The following ARHGAP17 variants were observed in gnomAD, a reference collection of about 807,000 sequenced individuals.
ARHGAP17 encodes Rho GTPase activating protein 17, also known as rho GTPase-activating protein 17.
ARHGAP17 carries 57 observed loss-of-function variants against 99.5 expected under a neutral mutation model. The ratio of observed to expected loss-of-function variants is 0.57; its 90% CI spans 0.46 to 0.71. The LOEUF is 0.71. Among genes scored for constraint, ARHGAP17 ranks in the 30% least tolerant of loss-of-function variants. The pLI, the probability that ARHGAP17 is intolerant of heterozygous loss-of-function variation, is 0.00. For missense variants in ARHGAP17, 1,000 were observed against 1,122.4 expected, an observed-to-expected ratio of 0.89 and a Z score of 1.56; for synonymous variants, 417 against 429.6, an observed-to-expected ratio of 0.97 and a Z score of 0.36.
At chr16:24,939,709 C>T (rs1490990327) in intron 16 of ARHGAP17, 112 bp from the exon 17 acceptor site, 22 of 1,164,656 alleles carry the variant, frequency 1.9e-5, no homozygotes, top group Admixed American at 2.0e-5. Flanking sequence ...CCAAGCTGCC[C>T]GGCATGCAGT....
At chr16:24,978,232 A>G (rs189637039) in intron 2 of ARHGAP17, among the ~76,000 whole-genome samples, 9 of 152,336 alleles carry the variant, frequency 5.9e-5, no homozygotes, top group Admixed American at 2.0e-4. Context: ...AATTTCCACT[A>G]GAATGTAAAC....
intron 12 of ARHGAP17, among the ~76,000 whole-genome samples, chr16:24,950,055 A>G (rs2051588823): frequency 6.6e-6 from 1 of 152,216 alleles, no homozygotes; most frequent in South Asian, 2.1e-4. Context: ...GAGCCTGTAG[A>G]GCACGGCCAA....
chr16:25,009,660 C>A (rs1335011888), intron 1 of ARHGAP17, among the ~76,000 whole-genome samples: 1 of 152,024 alleles, frequency 6.6e-6, no homozygotes, highest in Non-Finnish European at 1.5e-5. Flanking sequence ...ATTCTACATA[C>A]CTCCTAGGAG....
chr16:24,952,012 T>G (rs2051658509), intron 12 of ARHGAP17, among the ~76,000 whole-genome samples: 1 of 152,208 alleles, frequency 6.6e-6, no homozygotes, highest in Admixed American at 6.5e-5. Context: ...TAAAGGGGGC[T>G]GGAAATTTGC....
At chr16:24,938,226 T>A (rs949038056) in intron 17 of ARHGAP17, among the ~76,000 whole-genome samples, 2 of 152,026 alleles carry the variant, frequency 1.3e-5, no homozygotes, top group Non-Finnish European at 2.9e-5. Flanking sequence ...TAGCCTGGCA[T>A]GGTGGTGTGT....
At chr16:24,922,340 G>A (rs542267414) in intron 19 of ARHGAP17, among the ~76,000 whole-genome samples, 11 of 152,186 alleles carry the variant, frequency 7.2e-5, no homozygotes, top group African/African-American at 9.6e-5. Flanking sequence ...GCAAGCTAAC[G>A]CCTATCAGCC....
intron 1 of ARHGAP17, among the ~76,000 whole-genome samples, chr16:24,981,292 G>A (rs1048767437): frequency 9.2e-5 from 14 of 152,116 alleles, no homozygotes; most frequent in Admixed American, 2.0e-4. Flanking sequence ...ACATAAAAAC[G>A]AGGCAAGTAT....
At position 24,949,379 on chromosome 16, in the gene ARHGAP17, G is replaced by A. The variant is rs767838482; in HGVS notation, c.1127+25C>T. 9 of 1,591,374 alleles carry A rather than the reference G, an allele frequency of 5.7e-6. No homozygotes were observed. In the South Asian group the frequency reaches 8.9e-5, roughly 16 times the overall value. ...GCATTAAACTTATCTTCACTCCAGAGTCATTGTAGCTCAATCATACATACC... is the reference window on the plus strand; with the variant it reads ...GCATTAAACTTATCTTCACTCCAGAATCATTGTAGCTCAATCATACATACC... On this transcript the variant is annotated intron_variant, in intron 13 of 19. Transcript: ENST00000289968.
chr16:24,998,439 G>A (rs577548310), intron 1 of ARHGAP17, among the ~76,000 whole-genome samples: 5 of 151,920 alleles, frequency 3.3e-5, no homozygotes, highest in Admixed American at 1.3e-4. Flanking sequence ...GGGTGGTGAC[G>A]GCAACCATGA....
chr16:24,937,674 G>A (rs998873032), intron 17 of ARHGAP17, among the ~76,000 whole-genome samples: 1 of 152,078 alleles, frequency 6.6e-6, no homozygotes, highest in Non-Finnish European at 1.5e-5. Flanking sequence ...ATGGAATTCA[G>A]GAATGCACAA....
chr16:24,985,995 G>A (rs1182307129), intron 1 of ARHGAP17, among the ~76,000 whole-genome samples: 2 of 152,084 alleles, frequency 1.3e-5, no homozygotes, highest in East Asian at 1.9e-4. Context: ...TTAACTGCAC[G>A]AAAGCAAGGC....
At chr16:24,994,909 C>T (rs941814983) in intron 1 of ARHGAP17, among the ~76,000 whole-genome samples, 4 of 152,146 alleles carry the variant, frequency 2.6e-5, no homozygotes, top group South Asian at 2.1e-4. Flanking sequence ...TAAAGACATA[C>T]CCACGTCTCT....
At chr16:24,988,655 G>A (rs1393466784) in intron 1 of ARHGAP17, among the ~76,000 whole-genome samples, 7 of 152,092 alleles carry the variant, frequency 4.6e-5, no homozygotes, top group Non-Finnish European at 8.8e-5. Context: ...GAGGTTTATC[G>A]TTTTCCTGCA....
intron 12 of ARHGAP17, among the ~76,000 whole-genome samples, chr16:24,949,874 C>G (rs1481633431): frequency 3.3e-5 from 5 of 152,212 alleles, no homozygotes; most frequent in Admixed American, 2.0e-4. Context: ...AGCCACAGAT[C>G]AGGGGGCTGA....
At chr16:24,986,144 C>T (rs1271605657) in intron 1 of ARHGAP17, among the ~76,000 whole-genome samples, 1 of 152,200 alleles carries the variant, frequency 6.6e-6, no homozygotes, top group South Asian at 2.1e-4. Flanking sequence ...TAATAGCCAA[C>T]AGTAGCAGCC....
At chr16:24,977,601 T>TGAGC in intron 2 of ARHGAP17, 1 of 301,918 alleles carries the variant, frequency 3.3e-6, no homozygotes, top group Non-Finnish European at 6.1e-6. Flanking sequence ...TCATGGCAAC[T>TGAGC]GAGCCTTCCA....
At chr16:25,002,070 G>A (rs1250300329) in intron 1 of ARHGAP17, among the ~76,000 whole-genome samples, 4 of 148,244 alleles carry the variant, frequency 2.7e-5, no homozygotes, top group African/African-American at 5.0e-5. Context: ...GACAGAGCGA[G>A]ACTCCATCTA....
At chr16:24,994,605 T>C (rs1008424998) in intron 1 of ARHGAP17, among the ~76,000 whole-genome samples, 1 of 152,190 alleles carries the variant, frequency 6.6e-6, no homozygotes, top group Admixed American at 6.5e-5. Flanking sequence ...CCCACATTTA[T>C]TGAGCTCATA....
chr16:24,924,688 C>A (rs962812007), intron 19 of ARHGAP17, among the ~76,000 whole-genome samples: 2 of 151,714 alleles, frequency 1.3e-5, no homozygotes, highest in African/African-American at 4.8e-5. Context: ...CATGGTGAAA[C>A]CCCGTCTATA....
Sources: allele counts gnomAD v4.1 joint callset (sites outside exome capture counted in the v4.1 genomes callset), GRCh38; gene constraint gnomAD v4.1.1; transcripts MANE v1.5; gene names NCBI Gene and HGNC (gene_info 2026-07-23, HGNC 2026-07-21).